The following CNTNAP5 variants were observed in gnomAD, a reference collection of about 807,000 sequenced individuals.
The protein encoded by CNTNAP5 is contactin associated protein family member 5, also known as contactin-associated protein-like 5.
Under a neutral mutation model 150.2 loss-of-function variants are expected in CNTNAP5, and 72 were observed. The observed-to-expected ratio is 0.48, with a 90% CI of 0.40 to 0.58. CNTNAP5 has a LOEUF of 0.58. CNTNAP5 is among the 20% of genes least tolerant of loss of function. The probability of loss-of-function intolerance (pLI) is 0.00; values close to 1 mark genes in which losing one functional copy is unlikely to be tolerated. For missense variants in CNTNAP5, 1,636 were observed against 1,626.2 expected, an observed-to-expected ratio of 1.01 and a Z score of -0.10; for synonymous variants, 672 against 619.8, an observed-to-expected ratio of 1.08 and a Z score of -1.25.
intron 3 of CNTNAP5, among the ~76,000 whole-genome samples, chr2:124,316,965 T>C (rs1688982808): frequency 6.6e-6 from 1 of 152,208 alleles, no homozygotes; most frequent in African/African-American, 2.4e-5. Flanking sequence ...AGCTACTCAA[T>C]TTTATATCTG....
chr2:124,528,231 C>G (rs1247444904), intron 10 of CNTNAP5, among the ~76,000 whole-genome samples: 2 of 152,172 alleles, frequency 1.3e-5, no homozygotes, highest in East Asian at 3.9e-4. Context: ...TAAAGGGTCT[C>G]TGCTTATGTT....
At chr2:124,031,135 A>G (rs905200939) in intron 1 of CNTNAP5, among the ~76,000 whole-genome samples, 9 of 146,378 alleles carry the variant, frequency 6.1e-5, no homozygotes, top group Non-Finnish European at 1.1e-4. Context: ...TCTCCCCGCT[A>G]TACATACACA....
At chr2:124,326,800 A>AATAC (rs887242690) in intron 3 of CNTNAP5, among the ~76,000 whole-genome samples, 1 of 151,692 alleles carries the variant, frequency 6.6e-6, no homozygotes, top group Non-Finnish European at 1.5e-5. Context: ...TAAATAAATA[A>AATAC]ATACATACAT....
intron 11 of CNTNAP5, among the ~76,000 whole-genome samples, chr2:124,599,858 T>G (rs1411462881): frequency 6.6e-6 from 1 of 152,020 alleles, no homozygotes; most frequent in Non-Finnish European, 1.5e-5. Context: ...TAAATACTTT[T>G]CCTATTTTTT....
chr2:124,212,544 T>C (rs1686039832), intron 1 of CNTNAP5, among the ~76,000 whole-genome samples: 1 of 152,238 alleles, frequency 6.6e-6, no homozygotes, highest in African/African-American at 2.4e-5. Flanking sequence ...TTATGAATTT[T>C]ACCTGTTACA....
rs1328665537 is a variant in CNTNAP5, at chr2:124,174,205, AGT to A, written c.83-47495_83-47494del. Among the ~76,000 whole-genome samples, 4 of 152,326 alleles carry A rather than the reference AGT, an allele frequency of 2.6e-5. No homozygotes were observed. In the East Asian group the frequency reaches 7.7e-4, roughly 29 times the overall value. On this transcript the variant is annotated intron_variant, in intron 1 of 23. Coordinates refer to ENST00000682447, the MANE Select transcript of CNTNAP5 (RefSeq NM_001367498.1). ...TCTGATAAAAATGTTCAAGGAAGTTAGTGTGTTTTCATGTCTGCTAACACAAC... is the reference window on the plus strand; with the variant it reads ...TCTGATAAAAATGTTCAAGGAAGTTAGTGTTTTCATGTCTGCTAACACAAC...
chr2:124,527,405 C>A lies in CNTNAP5; in HGVS notation c.1598C>A (p.Ser533Tyr), dbSNP rs1474915453. 11 of 1,613,688 alleles carry A rather than the reference C, an allele frequency of 6.8e-6. No individual in the cohort carries two copies. The highest frequency in any genetic ancestry group is 1.7e-5 in the Admixed American group (1 of 59,996). Reference sequence around the variant, plus strand: ...GACCTCATTTCAGTTCAGCAAGGTTCCCTGGGGAATTTTAGTGATTTACAC... The same window carrying A: ...GACCTCATTTCAGTTCAGCAAGGTTACCTGGGGAATTTTAGTGATTTACAC... ...PKDLISVQQG[S>Y]LGNFSDLHID... Residue 533 changes from serine (S) to tyrosine (Y), a missense_variant, in exon 10 of 24, where the codon TCC becomes TAC. By Grantham distance (144) the Ser-to-Tyr change is moderately radical. Transcript: ENST00000682447.
intron 10 of CNTNAP5, among the ~76,000 whole-genome samples, chr2:124,534,059 G>A (rs1695175441): frequency 6.6e-6 from 1 of 152,178 alleles, no homozygotes; most frequent in Non-Finnish European, 1.5e-5. Flanking sequence ...TGAAACAAGT[G>A]AGATACAAGG....
chr2:124,838,848 T>A (rs1682884598), intron 19 of CNTNAP5, among the ~76,000 whole-genome samples: 1 of 152,158 alleles, frequency 6.6e-6, no homozygotes, highest in South Asian at 2.1e-4. Context: ...ATTCCTTATT[T>A]CCTTAATGAG....
chr2:124,369,237 C>A (rs777684688), intron 3 of CNTNAP5, among the ~76,000 whole-genome samples: 3 of 152,066 alleles, frequency 2.0e-5, no homozygotes, highest in Non-Finnish European at 2.9e-5. Flanking sequence ...CTTTGAATGC[C>A]TTTGTATATT....
At chr2:124,237,527 T>A (rs1451933681) in intron 2 of CNTNAP5, among the ~76,000 whole-genome samples, 1 of 152,062 alleles carries the variant, frequency 6.6e-6, no homozygotes, top group Non-Finnish European at 1.5e-5. Flanking sequence ...TTTTGTTTTG[T>A]TTTGTTTTTC....
chr2:124,565,639 A>G (rs7566646), intron 11 of CNTNAP5, among the ~76,000 whole-genome samples: 31,460 of 89,244 alleles, frequency 0.35, 8,383 homozygotes, highest in East Asian at 0.98. Context: ...TTGCTCTGTC[A>G]CCCAGGCTGG....
At chr2:124,641,464 T>G (rs1434444645) in intron 12 of CNTNAP5, among the ~76,000 whole-genome samples, 1 of 152,058 alleles carries the variant, frequency 6.6e-6, no homozygotes, top group Admixed American at 6.6e-5. Context: ...AATGGAGAGA[T>G]AAGGGAGAAA....
chr2:124,453,539 G>A (rs940320069), intron 6 of CNTNAP5, among the ~76,000 whole-genome samples: 1 of 152,080 alleles, frequency 6.6e-6, no homozygotes, highest in African/African-American at 2.4e-5. Flanking sequence ...AGAACACCTG[G>A]GAAATTCATC....
chr2:124,898,536 A>G (rs1459746569), intron 21 of CNTNAP5, among the ~76,000 whole-genome samples: 4 of 151,610 alleles, frequency 2.6e-5, no homozygotes, highest in African/African-American at 4.9e-5. Context: ...TTAATAGAGG[A>G]GCATAGCTTT....
intron 13 of CNTNAP5, among the ~76,000 whole-genome samples, chr2:124,701,436 C>T (rs1029263340): frequency 1.3e-5 from 2 of 152,024 alleles, no homozygotes; most frequent in Admixed American, 6.6e-5. Flanking sequence ...ATGATGGATG[C>T]TTACGTTGTT....
At chr2:124,279,723 C>A (rs956369892) in intron 3 of CNTNAP5, among the ~76,000 whole-genome samples, 2 of 152,074 alleles carry the variant, frequency 1.3e-5, no homozygotes, top group African/African-American at 4.8e-5. Flanking sequence ...TCTCACCCGG[C>A]TGTAAATAGG....
intron 7 of CNTNAP5, among the ~76,000 whole-genome samples, chr2:124,503,166 T>C (rs1504001): frequency 0.1 from 15,488 of 152,234 alleles, 1,263 homozygotes; most frequent in African/African-American, 0.2. Context: ...AAATGATTCA[T>C]GCAATAATAT....
At chr2:124,115,772 A>G (rs1683413736) in intron 1 of CNTNAP5, among the ~76,000 whole-genome samples, 3 of 144,466 alleles carry the variant, frequency 2.1e-5, no homozygotes, top group African/African-American at 5.2e-5. Flanking sequence ...CTACAGGCAG[A>G]TGCCACCACG....
Sources: allele counts gnomAD v4.1 joint callset (sites outside exome capture counted in the v4.1 genomes callset), GRCh38; gene constraint gnomAD v4.1.1; transcripts MANE v1.5; gene names NCBI Gene and HGNC (gene_info 2026-07-23, HGNC 2026-07-21).